The following LIG1 variants were observed in gnomAD, a reference collection of about 807,000 sequenced individuals.
The protein encoded by LIG1 is DNA ligase 1.
In LIG1, 70 loss-of-function variants were observed where a neutral mutation model predicts 115.7. The observed-to-expected ratio is 0.60, with a 90% CI of 0.50 to 0.74. The LOEUF (loss-of-function observed/expected upper bound fraction) is 0.74, where lower values mean the gene tolerates loss of function less well. Ranked by LOEUF, LIG1 falls within the 30% of genes least tolerant of loss-of-function variation. The pLI, the probability that LIG1 is intolerant of heterozygous loss-of-function variation, is 0.00. For synonymous variants in LIG1, 487 were observed against 495.3 expected (o/e 0.98, Z 0.22); for missense variants, 1,115 against 1,225.6 (o/e 0.91, Z 1.35).
rs976461809 is a variant in LIG1, at chr19:48,131,234, CTT to C, written c.1726-65_1726-64del. The C allele has an allele frequency of 4.1e-6, 5 of 1,214,284 alleles. No homozygotes were observed. In the African/African-American group the frequency reaches 7.4e-5, roughly 18 times the overall value. The allele number at this position is 1,214,284 out of a possible 1,614,324, so 75.2% of individuals were successfully genotyped here. A position where few individuals can be genotyped will look rare whatever the true frequency, so the allele number is the denominator to read the frequency against. ...TCCCCTCATGTGGCCTCAGCTTTCT[CTT>C]CTGACCCCACCTGCACTGGTAGAAG... is the stretch of plus-strand genomic sequence containing the variant. On this transcript the variant is annotated intron_variant, in intron 18 of 27. Transcript: ENST00000263274.
At chr19:48,159,976 C>G (rs940711819) in intron 4 of LIG1, among the ~76,000 whole-genome samples, 5 of 152,196 alleles carry the variant, frequency 3.3e-5, no homozygotes, top group Non-Finnish European at 5.9e-5. Flanking sequence ...CTCGGCCTCC[C>G]AAAGTGCTGG....
At chr19:48,131,934 CTT>C (rs34833018) in intron 18 of LIG1, among the ~76,000 whole-genome samples, 355 of 131,834 alleles carry the variant, frequency 2.7e-3, no homozygotes, top group Middle Eastern at 7.6e-3. Flanking sequence ...TGGATCCACC[CTT>C]TTTTTTTTTT....
intron 2 of LIG1, among the ~76,000 whole-genome samples, chr19:48,163,511 G>A (rs142504720): frequency 0.011 from 1,623 of 151,370 alleles, 31 homozygotes; most frequent in Middle Eastern, 0.061. Flanking sequence ...CACTGCGCCC[G>A]GCCTACCTAA....
In LIG1 at chr19:48,133,045, G is replaced by C; in HGVS notation, c.1662C>G (p.Val554=). Residue 554 remains valine, a synonymous_variant, in exon 18 of 28, where the codon GTC becomes GTG. Transcript: ENST00000263274. The part of the protein sequence containing the change: ...LAHPTRGISE[V]LKRFEEAAFT... ...AAGCTGCCTCCTCAAAGCGTTTCAGGACCTCGCTGATGCCCCGGGTGGGAT... is the reference window on the plus strand; with the variant it reads ...AAGCTGCCTCCTCAAAGCGTTTCAGCACCTCGCTGATGCCCCGGGTGGGAT... 3.1e-6 allele frequency: 5 copies of C among 1,614,212 alleles called. No homozygotes were observed. The highest frequency in any genetic ancestry group is 3.4e-6 in the Non-Finnish European group (4 of 1,180,042).
At chr19:48,150,667 A>G (rs1408602293) in intron 7 of LIG1, among the ~76,000 whole-genome samples, 1 of 152,164 alleles carries the variant, frequency 6.6e-6, no homozygotes, top group Non-Finnish European at 1.5e-5. Flanking sequence ...ATTTACACCT[A>G]TGACTTCTGA....
chr19:48,167,026 G>C (rs1284419610), intron 1 of LIG1, among the ~76,000 whole-genome samples: 1 of 150,684 alleles, frequency 6.6e-6, no homozygotes, highest in Non-Finnish European at 1.5e-5. Context: ...TTAATCTGGG[G>C]TCCACAAAAC....
At chr19:48,154,200 C>T in intron 5 of LIG1, 2 of 536,800 alleles carry the variant, frequency 3.7e-6, no homozygotes, top group East Asian at 3.7e-5. Context: ...CTCACGACTG[C>T]AGAATAGAAA....
chr19:48,128,042 C>T (rs377230917), intron 19 of LIG1, 22 bp from the exon 20 acceptor site: 2 of 1,586,340 alleles, frequency 1.3e-6, no homozygotes, highest in Non-Finnish European at 1.7e-6. Flanking sequence ...AGGGAGAGAC[C>T]CAGGGCCTGA....
intron 5 of LIG1, chr19:48,154,544 G>C (rs1215219187): frequency 1.6e-5 from 3 of 183,888 alleles, no homozygotes; most frequent in Non-Finnish European, 2.3e-5. Flanking sequence ...ATCCTGTGTT[G>C]GCTGCTCCCC....
rs1568521684 is a variant in LIG1, at chr19:48,144,770, CTAGGATTATAGG to C, written c.777-819_777-808del. 1.1e-3 allele frequency among the ~76,000 whole-genome samples: 162 copies of C among 152,188 alleles called. 1 individual carries two copies. Among genetic ancestry groups the C allele is most frequent in the Admixed American group, 0.011 (161 of 15,284 alleles). ...CTGCCTGCCTTGGCCTCCCAAAGTG[CTAGGATTATAGG>C]CGTGAGCCACCGTGCCTGGCCAGAA... On this transcript the variant is annotated intron_variant, in intron 9 of 27. Transcript: ENST00000263274.
At chr19:48,155,251 G>C (rs1314239649) in intron 5 of LIG1, among the ~76,000 whole-genome samples, 1 of 152,014 alleles carries the variant, frequency 6.6e-6, no homozygotes, top group African/African-American at 2.4e-5. Context: ...TCCTTAGCTG[G>C]GAGTGCAAGA....
chr19:48,165,008 C>G (rs2036401025), intron 2 of LIG1, among the ~76,000 whole-genome samples: 1 of 152,224 alleles, frequency 6.6e-6, no homozygotes, highest in African/African-American at 2.4e-5. Context: ...CGCCTGAAAT[C>G]CCAGCACTCT....
intron 1 of LIG1, among the ~76,000 whole-genome samples, chr19:48,169,255 G>A (rs1345313640): frequency 6.6e-6 from 1 of 152,104 alleles, no homozygotes; most frequent in African/African-American, 2.4e-5. Flanking sequence ...TACGATGGGG[G>A]TTACACAAAT....
At chr19:48,151,712 T>C (rs1330345737) in intron 6 of LIG1, among the ~76,000 whole-genome samples, 1 of 152,198 alleles carries the variant, frequency 6.6e-6, no homozygotes, top group Non-Finnish European at 1.5e-5. Context: ...CTTACAGTTC[T>C]ATCTTGTGCC....
chr19:48,157,129 C>T lies in LIG1; in HGVS notation c.255G>A (p.Leu85=). 2 of 1,611,706 alleles carry T rather than the reference C, an allele frequency of 1.2e-6. No individual in the cohort carries two copies. The highest frequency in any genetic ancestry group is 2.2e-5 in the South Asian group (2 of 90,880). Reference sequence around the variant, plus strand: ...GGGGCGGGGAGACCTGTGAGCAGTCCAGGGCAGGCTTCTGGAAGAGGAAAG... The same window carrying T: ...GGGGCGGGGAGACCTGTGAGCAGTCTAGGGCAGGCTTCTGGAAGAGGAAAG... The part of the protein sequence containing the change: ...LSPAKGQKPA[L]DCSQVSPPRP... The change falls in exon 5 of 28, where the codon CTG becomes CTA. Residue 85 remains leucine, a synonymous_variant. Transcript: ENST00000263274.
chr19:48,139,541 GC>G (rs1360250038), intron 12 of LIG1, among the ~76,000 whole-genome samples: 1 of 152,090 alleles, frequency 6.6e-6, no homozygotes, highest in Non-Finnish European at 1.5e-5. Context: ...CGCATCACCA[GC>G]CTTTCCACCC....
chr19:48,153,637 A>AACACACACAC (rs36171813), intron 6 of LIG1, among the ~76,000 whole-genome samples: 21 of 58,788 alleles, frequency 3.6e-4, no homozygotes, highest in South Asian at 8.2e-4. Flanking sequence ...GCAGATCCAA[A>AACACACACAC]ACACACACAC....
At chr19:48,142,117 C>G (rs892312760) in intron 11 of LIG1, among the ~76,000 whole-genome samples, 45 of 152,126 alleles carry the variant, frequency 3.0e-4, no homozygotes, top group African/African-American at 1.0e-3. Context: ...GCCTGGCCAA[C>G]ATAGTGAAAC....
intron 18 of LIG1, 30 bp downstream of exon 18, chr19:48,132,952 T>C (rs759560355): frequency 1.3e-6 from 2 of 1,497,008 alleles, no homozygotes; most frequent in Admixed American, 3.3e-5. Flanking sequence ...TTTTCCTGTC[T>C]GTGGAAGGGA....
Sources: gnomAD v4.1 joint callset for allele counts (sites outside exome capture counted in the v4.1 genomes callset) on GRCh38, gnomAD v4.1.1 for gene constraint, MANE v1.5 for transcripts, NCBI Gene and HGNC (gene_info 2026-07-23, HGNC 2026-07-21) for gene names.